YLPM1: variants seen among roughly 807,000 people sequenced by gnomAD.
YLPM1 encodes the protein YLP motif-containing protein 1.
A neutral mutation model predicts 230.0 loss-of-function variants in YLPM1; 99 were observed. That is an observed-to-expected ratio of 0.43 (90% CI 0.37 to 0.51). The LOEUF (loss-of-function observed/expected upper bound fraction) is 0.51, where lower values mean the gene tolerates loss of function less well. Among genes scored for constraint, YLPM1 ranks in the 20% least tolerant of loss-of-function variants. The pLI, the probability that YLPM1 is intolerant of heterozygous loss-of-function variation, is 0.00. For missense variants in YLPM1, 2,592 were observed against 2,707.7 expected, an observed-to-expected ratio of 0.96 and a Z score of 0.95; for synonymous variants, 984 against 942.5, an observed-to-expected ratio of 1.04 and a Z score of -0.81.
chr14:74,779,495 T>C (rs1204831518), intron 2 of YLPM1, among the ~76,000 whole-genome samples: 1 of 152,308 alleles, frequency 6.6e-6, no homozygotes, highest in East Asian at 1.9e-4. Flanking sequence ...GGTTCTCATA[T>C]TGGTCCAAAG....
At position 74,781,906 on chromosome 14, in the gene YLPM1, C is replaced by T; in HGVS notation, c.1863C>T (p.Leu621=). The change falls in exon 4 of 21, where the codon CTC becomes CTT. Residue 621 remains leucine (L), a synonymous_variant. Coordinates refer to ENST00000325680, the MANE Select transcript of YLPM1 (RefSeq NM_019589.3). ...CAGCACCTCCACCTGTCATGCCCCT[C>T]CCACCATTGTCTTCAGCTACACCTC... ...SSTAPPPVMP[L]PPLSSATPPP... The T allele has an allele frequency of 6.2e-7, 1 of 1,613,862 alleles. No individual in the cohort carries two copies. The highest frequency in any genetic ancestry group is 8.5e-7 in the Non-Finnish European group (1 of 1,179,840).
chr14:74,766,862 A>C (rs962282603), intron 1 of YLPM1, among the ~76,000 whole-genome samples: 6 of 151,650 alleles, frequency 4.0e-5, no homozygotes, highest in East Asian at 1.9e-4. Context: ...AAAACAAAAC[A>C]AAACAAAACC....
At chr14:74,772,545 G>C (rs1382949695) in intron 1 of YLPM1, among the ~76,000 whole-genome samples, 1 of 151,944 alleles carries the variant, frequency 6.6e-6, no homozygotes, top group Non-Finnish European at 1.5e-5. Context: ...TTTTAGTAGA[G>C]ACAGGGTTTC....
At chr14:74,775,095 A>G (rs1428365837) in intron 1 of YLPM1, among the ~76,000 whole-genome samples, 3 of 152,200 alleles carry the variant, frequency 2.0e-5, no homozygotes, top group Non-Finnish European at 4.4e-5. Context: ...TATATGTATA[A>G]TAGTTAAAAA....
In YLPM1 at chr14:74,829,295, G is replaced by T; in HGVS notation, c.6246G>T (p.Gln2082His). Residue 2082 changes from glutamine (Q) to histidine (H), a missense_variant, in exon 19 of 21, where the codon CAG becomes CAT. Physicochemically the swap from Gln to His is conservative, Grantham distance 24. Transcript: ENST00000325680. Reference sequence around the variant, plus strand: ...CCAGCAGAATGGAGGATTATCTTCAGCTCCCCGATGATTATGATACTCGTG... The same window carrying T: ...CCAGCAGAATGGAGGATTATCTTCATCTCCCCGATGATTATGATACTCGTG... Reference protein sequence around the residue: ...AIASRMEDYLQLPDDYDTRAS... With the variant: ...AIASRMEDYLHLPDDYDTRAS... The T allele has an allele frequency of 6.2e-7, 1 of 1,613,264 alleles. No individual in the cohort carries two copies. Among genetic ancestry groups the T allele is most frequent in the East Asian group, 2.2e-5 (1 of 44,868 alleles).
chr14:74,784,917 G>A (rs984619116), intron 4 of YLPM1, among the ~76,000 whole-genome samples: 3 of 152,158 alleles, frequency 2.0e-5, no homozygotes, highest in African/African-American at 7.2e-5. Context: ...TAGTTTGTTA[G>A]TCTCCTTCAG....
chr14:74,769,131 A>G (rs2090945147), intron 1 of YLPM1, among the ~76,000 whole-genome samples: 1 of 151,184 alleles, frequency 6.6e-6, no homozygotes, highest in South Asian at 2.1e-4. Flanking sequence ...GCTGGAGTGC[A>G]GTGGCGCGAT....
At position 74,764,269 on chromosome 14, in the gene YLPM1, C is replaced by CG; in HGVS notation, c.780_781insG (p.Gln261AlafsTer15). On this transcript the variant is annotated frameshift_variant, in exon 1 of 21. Transcript: ENST00000325680. LOFTEE classifies it high-confidence loss of function. ...CCCCCCCTGGAAATAAGACAACTGT[C>CG]CAGCAAGAGCCTTTGGAGAGTGGGG... 6.2e-7 allele frequency: 1 copy of CG among 1,613,898 alleles called. No individual in the cohort carries two copies. The highest frequency in any genetic ancestry group is 8.5e-7 in the Non-Finnish European group (1 of 1,179,882).
At chr14:74,826,270 G>A (rs2091561187) in intron 18 of YLPM1, among the ~76,000 whole-genome samples, 1 of 152,102 alleles carries the variant, frequency 6.6e-6, no homozygotes, top group East Asian at 1.9e-4. Flanking sequence ...CTTTGAGGTT[G>A]GTCCATTGAG....
chr14:74,798,748 G>A lies in YLPM1; in HGVS notation c.3451G>A (p.Gly1151Ser), dbSNP rs1409804710. ...GGAGAGAGGACCACCTCGAGGGCCT[G>A]GCAGTCGAGAAAGGGGACTGGGAAG... ...SRERGPPRGPGSRERGLGRSD... is the reference protein window; with the variant it reads ...SRERGPPRGPSSRERGLGRSD... The change falls in exon 5 of 21, where the codon GGC (glycine) becomes AGC (serine). Residue 1151 changes from glycine to serine, a missense_variant. Gly to Ser is a moderately conservative substitution (Grantham distance 56). This residue lies in a region of YLPM1 where 1,862 missense variants were observed against 1,819.8 expected (regional missense o/e 1.02). Transcript: ENST00000325680. 9.3e-6 allele frequency: 15 copies of A among 1,613,444 alleles called. No homozygotes were observed. The highest frequency in any genetic ancestry group is 1.3e-5 in the African/African-American group (1 of 74,998).
chr14:74,782,638 CT>C (rs1360606433), intron 4 of YLPM1, among the ~76,000 whole-genome samples: 1 of 151,936 alleles, frequency 6.6e-6, no homozygotes, highest in Non-Finnish European at 1.5e-5. Context: ...CTTTTGTTTG[CT>C]TTTTCATTCA....
At chr14:74,789,644 T>C (rs1403876244) in intron 4 of YLPM1, among the ~76,000 whole-genome samples, 2 of 151,680 alleles carry the variant, frequency 1.3e-5, no homozygotes, top group African/African-American at 4.8e-5. Context: ...AAAATTTTAT[T>C]GAGGCAGGGT....
At chr14:74,777,155 A>G (rs2140082279) in intron 1 of YLPM1, among the ~76,000 whole-genome samples, 1 of 152,360 alleles carries the variant, frequency 6.6e-6, no homozygotes, top group African/African-American at 2.4e-5. Flanking sequence ...TTTCCATACT[A>G]AGCTTATTGT....
chr14:74,774,087 A>T (rs1242649862), intron 1 of YLPM1, among the ~76,000 whole-genome samples: 1 of 152,158 alleles, frequency 6.6e-6, no homozygotes, highest in Admixed American at 6.5e-5. Context: ...GTGGGGTTAC[A>T]TCTCAATAAA....
At position 74,764,353 on chromosome 14, in the gene YLPM1, G is replaced by C; in HGVS notation, c.864G>C (p.Met288Ile). ...QAAPEPDPST[M>I]TPQEQQQYWY... ...CCCCTGAGCCAGATCCCTCTACGAT[G>C]ACTCCACAGGTAAGAAAGCATCTGC... is the stretch of plus-strand genomic sequence containing the variant. Residue 288 changes from methionine (M) to isoleucine (I), a missense_variant, in exon 1 of 21, where the codon ATG becomes ATC. Physicochemically the swap from Met to Ile is conservative, Grantham distance 10. Around this residue, in one of 4 missense-constraint regions of YLPM1, gnomAD observed 1,862 missense variants for 1,819.8 expected, o/e 1.02. Transcript: ENST00000325680. 6.2e-7 allele frequency: 1 copy of C among 1,606,852 alleles called. No individual in the cohort carries two copies. The highest frequency in any genetic ancestry group is 8.5e-7 in the Non-Finnish European group (1 of 1,175,746).
chr14:74,826,586 G>A (rs1256369492), intron 18 of YLPM1, among the ~76,000 whole-genome samples: 1 of 152,196 alleles, frequency 6.6e-6, no homozygotes, highest in Non-Finnish European at 1.5e-5. Flanking sequence ...GAAGCAGCTG[G>A]TTAGAGCTTA....
intron 5 of YLPM1, 122 bp downstream of exon 5, chr14:74,799,819 A>G: frequency 2.2e-6 from 3 of 1,388,660 alleles, no homozygotes; most frequent in Non-Finnish European, 2.8e-6. Flanking sequence ...CATACTTTTA[A>G]TTTATATTTC....
chr14:74,809,922 ATAAAGT>A lies in YLPM1; in HGVS notation c.4954_4959del (p.Lys1652_Val1653del), dbSNP rs774595986. On this transcript the variant is annotated inframe_deletion, in exon 8 of 21. Transcript: ENST00000325680. ...TTTTGTTTACCAGATATATCCACTA[ATAAAGT>A]TGAACAGATACCTTATGGAGAAAGA... is the stretch of plus-strand genomic sequence containing the variant. The A allele has an allele frequency of 6.8e-5, 109 of 1,608,310 alleles. No individual in the cohort carries two copies. The highest frequency in any genetic ancestry group is 6.5e-5 in the Non-Finnish European group (76 of 1,177,210).
At position 74,764,243 on chromosome 14, in the gene YLPM1, G is replaced by A. The variant is rs1566733110; in HGVS notation, c.754G>A (p.Ala252Thr). ...ACTACTAGCTCCACCACCACCGTCC[G>A]CCCCCCCTGGAAATAAGACAACTGT... ...SQLLAPPPPS[A>T]PPGNKTTVQQ... is the part of the protein sequence containing the mutation. Residue 252 changes from alanine to threonine, a missense_variant, in exon 1 of 21, where the codon GCC becomes ACC. Around this residue, in one of 4 missense-constraint regions of YLPM1, gnomAD observed 1,862 missense variants for 1,819.8 expected, o/e 1.02. Coordinates refer to ENST00000325680, the MANE Select transcript of YLPM1 (RefSeq NM_019589.3). The A allele has an allele frequency of 6.2e-7, 1 of 1,613,114 alleles. No homozygotes were observed. Among genetic ancestry groups the A allele is most frequent in the East Asian group, 2.2e-5 (1 of 44,840 alleles).
Sources: gnomAD v4.1 joint callset for allele counts (sites outside exome capture counted in the v4.1 genomes callset) on GRCh38, gnomAD v4.1.1 for gene constraint, gnomAD v4.1.1 regional missense constraint, MANE v1.5 for transcripts, NCBI Gene and HGNC (gene_info 2026-07-23, HGNC 2026-07-21) for gene names.